Variants in TICRR observed in about 807,000 individuals in gnomAD.
The protein encoded by TICRR is TOPBP1 interacting checkpoint and replication regulator, also known as treslin.
Under a neutral mutation model 178.1 loss-of-function variants are expected in TICRR, and 132 were observed. That is an observed-to-expected ratio of 0.74 (90% CI 0.64 to 0.86). TICRR has a LOEUF of 0.86. TICRR is among the 40% of genes least tolerant of loss of function. TICRR has a pLI of 0.00. For synonymous variants in TICRR, 991 were observed against 900.7 expected (o/e 1.10, Z -1.79); for missense variants, 2,587 against 2,334.3 (o/e 1.11, Z -2.23).
At chr15:89,589,534 G>A (rs1239408517) in intron 4 of TICRR, among the ~76,000 whole-genome samples, 1 of 152,154 alleles carries the variant, frequency 6.6e-6, no homozygotes, top group Non-Finnish European at 1.5e-5. Flanking sequence ...CATGCAGAGG[G>A]AGGCTTGAGA....
At position 89,625,730 on chromosome 15, in the gene TICRR, C is replaced by G. The variant is rs138704453; in HGVS notation, c.5420C>G (p.Pro1807Arg). ...GTTAGTAAGAGTAAAGAGGGGTCTC[C>G]AAGTTGGAGTGCATGGCAGCTACCC... ...SEVSKSKEGS[P>R]SWSAWQLPST... The change falls in exon 20 of 22, where the codon CCA becomes CGA. Residue 1807 changes from proline (P) to arginine (R), a missense_variant. By Grantham distance (103) the Pro-to-Arg change is moderately radical. Coordinates refer to ENST00000268138, the MANE Select transcript of TICRR (RefSeq NM_152259.4). 6.2e-6 allele frequency: 10 copies of G among 1,613,000 alleles called. No homozygotes were observed. The highest frequency in any genetic ancestry group is 8.5e-6 in the Non-Finnish European group (10 of 1,179,930).
At position 89,599,402 on chromosome 15, in the gene TICRR, TGTA is replaced by T. The variant is rs764080310; in HGVS notation, c.1980_1982del (p.Leu660_Tyr661delinsPhe). On this transcript the variant is annotated inframe_deletion, in exon 8 of 22. Coordinates refer to ENST00000268138, the MANE Select transcript of TICRR (RefSeq NM_152259.4). ...ACTGTGGCCACAGGAGAAATCATGT[TGTA>T]TGCATGTGCTCGAAACATGATCTCA... The T allele has an allele frequency of 1.2e-6, 2 of 1,613,896 alleles. No homozygotes were observed. Among genetic ancestry groups the T allele is most frequent in the Non-Finnish European group, 1.7e-6 (2 of 1,179,932 alleles).
intron 19 of TICRR, 115 bp from the exon 20 acceptor site, chr15:89,623,508 A>G: frequency 9.2e-7 from 1 of 1,092,412 alleles, no homozygotes; most frequent in Non-Finnish European, 1.3e-6. Flanking sequence ...TTCCATCTTT[A>G]GATCATTCCT....
At chr15:89,620,108 A>T (rs4932236) in intron 18 of TICRR, among the ~76,000 whole-genome samples, 125,652 of 152,188 alleles carry the variant, frequency 0.83, 52,657 homozygotes, top group Non-Finnish European at 0.92. Flanking sequence ...ATTTCCCATA[A>T]GGACAGAACC....
rs747842359 is a variant in TICRR, at chr15:89,619,763, T to C, written c.3075T>C (p.His1025=). The C allele has an allele frequency of 6.2e-6, 10 of 1,614,014 alleles. No individual in the cohort carries two copies. The highest frequency in any genetic ancestry group is 8.5e-6 in the Non-Finnish European group (10 of 1,179,966). The stretch of plus-strand genomic sequence containing the variant: ...AGCAGTTGTCATTTAGCAGGACACA[T>C]TCTGCCTCCTTCTATTCTGTGTCTC... ...RIKQLSFSRT[H]SASFYSVSQP... is the part of the protein sequence containing the mutation. Residue 1025 remains histidine (H), a synonymous_variant, in exon 18 of 22, where the codon CAT becomes CAC. Transcript: ENST00000268138.
intron 15 of TICRR, among the ~76,000 whole-genome samples, chr15:89,611,933 T>C (rs762292169): frequency 3.3e-5 from 5 of 152,238 alleles, no homozygotes; most frequent in Non-Finnish European, 7.3e-5. Context: ...GAGAAGTTGA[T>C]TTAACATCTT....
At chr15:89,608,739 A>G in intron 14 of TICRR, 64 bp from the exon 15 acceptor site, 1 of 1,420,502 alleles carries the variant, frequency 7.0e-7, no homozygotes, top group Non-Finnish European at 9.4e-7. Flanking sequence ...CTTTTCTCAG[A>G]TACGGCATTT....
intron 1 of TICRR, among the ~76,000 whole-genome samples, chr15:89,577,982 A>C (rs1962655852): frequency 6.6e-6 from 1 of 152,082 alleles, no homozygotes; most frequent in South Asian, 2.1e-4. Flanking sequence ...AGAACATTCC[A>C]GGTGAGGAGA....
intron 21 of TICRR, 145 bp from the exon 22 acceptor site, chr15:89,626,811 C>G: frequency 2.3e-6 from 2 of 864,524 alleles, no homozygotes; most frequent in Admixed American, 2.3e-5. Flanking sequence ...GTGTAGGTAC[C>G]ATTTCTGTAG....
At position 89,608,926 on chromosome 15, in the gene TICRR, T is replaced by G; in HGVS notation, c.2846T>G (p.Leu949Arg). ...VSAVDGLEDK[L>R]DNFKKNKGYH... The stretch of plus-strand genomic sequence containing the variant: ...GCTGTGGATGGTCTAGAGGATAAAC[T>G]TGACAACTTCAAGAAGAACAAAGGT... The change falls in exon 15 of 22, where the codon CTT (leucine) becomes CGT (arginine). Residue 949 changes from leucine to arginine, a missense_variant. Coordinates refer to ENST00000268138, the MANE Select transcript of TICRR (RefSeq NM_152259.4). 1 of 1,598,914 alleles carries G rather than the reference T, an allele frequency of 6.3e-7. No homozygotes were observed. Among genetic ancestry groups the G allele is most frequent in the Non-Finnish European group, 8.5e-7 (1 of 1,175,670 alleles).
intron 19 of TICRR, 70 bp from the exon 20 acceptor site, chr15:89,623,553 G>A (rs901993678): frequency 5.1e-5 from 74 of 1,452,276 alleles, no homozygotes; most frequent in African/African-American, 7.1e-5. Context: ...TGGTCTTAGA[G>A]ATTACTAAAA....
At chr15:89,597,964 C>T (rs2141962620) in intron 7 of TICRR, among the ~76,000 whole-genome samples, 1 of 152,110 alleles carries the variant, frequency 6.6e-6, no homozygotes, top group South Asian at 2.1e-4. Flanking sequence ...GATTTAATAC[C>T]TGGGTATTTC....
At chr15:89,620,182 G>A (rs1275651745) in intron 18 of TICRR, among the ~76,000 whole-genome samples, 1 of 152,252 alleles carries the variant, frequency 6.6e-6, no homozygotes, top group South Asian at 2.1e-4. Context: ...TTCTATCCAT[G>A]GTTAGCTTGC....
intron 3 of TICRR, 116 bp from the exon 4 acceptor site, chr15:89,585,592 A>T (rs1017413423): frequency 2.7e-6 from 2 of 728,582 alleles, no homozygotes; most frequent in South Asian, 1.8e-5. Flanking sequence ...TATCTTTTTC[A>T]TAGTTTTCAC....
At chr15:89,619,147 T>C (rs1963382117) in intron 17 of TICRR, among the ~76,000 whole-genome samples, 1 of 152,188 alleles carries the variant, frequency 6.6e-6, no homozygotes, top group Non-Finnish European at 1.5e-5. Context: ...ACTGCTATTA[T>C]TTCTATATAA....
chr15:89,608,254 C>A (rs570766211), intron 14 of TICRR, among the ~76,000 whole-genome samples: 9 of 152,112 alleles, frequency 5.9e-5, no homozygotes, highest in African/African-American at 9.6e-5. Context: ...ATTGTATAAC[C>A]TAGATGAAAT....
intron 19 of TICRR, 49 bp from the exon 20 acceptor site, chr15:89,623,574 A>C (rs755573200): frequency 6.5e-7 from 1 of 1,537,472 alleles, no homozygotes; most frequent in Non-Finnish European, 8.8e-7. Flanking sequence ...CACTTCAGAG[A>C]TCATGAGTTA....
chr15:89,579,891 T>C (rs1413401885), intron 1 of TICRR: 1 of 152,208 alleles, frequency 6.6e-6, no homozygotes, highest in Non-Finnish European at 1.5e-5. Flanking sequence ...AAGAAATACA[T>C]TCCTTTTCTT....
chr15:89,594,914 C>T (rs376944172), intron 6 of TICRR, among the ~76,000 whole-genome samples: 2 of 152,136 alleles, frequency 1.3e-5, no homozygotes, highest in South Asian at 4.1e-4. Context: ...AGATTGCTTT[C>T]AGTTTTCATC....
Sources: gnomAD v4.1 joint callset for allele counts (sites outside exome capture counted in the v4.1 genomes callset) on GRCh38, gnomAD v4.1.1 for gene constraint, MANE v1.5 for transcripts, NCBI Gene and HGNC (gene_info 2026-07-23, HGNC 2026-07-21) for gene names.